The following CHODL variants were observed in gnomAD, a reference collection of about 807,000 sequenced individuals.
CHODL encodes the protein chondrolectin.
Under a neutral mutation model 34.5 loss-of-function variants are expected in CHODL, and 29 were observed. The ratio of observed to expected loss-of-function variants is 0.84; its 90% CI spans 0.63 to 1.15. CHODL has a LOEUF of 1.15. Among genes scored for constraint, CHODL ranks in the 50% most tolerant of loss-of-function variants. CHODL has a pLI of 0.00. For synonymous variants in CHODL, 125 were observed against 116.1 expected (o/e 1.08, Z -0.49); for missense variants, 332 against 332.5 (o/e 1.00, Z 0.01).
At position 18,245,771 on chromosome 21, in the gene CHODL, C is replaced by G; in HGVS notation, c.79+469C>G. On this transcript the variant is annotated intron_variant, in intron 1 of 5. Coordinates refer to ENST00000299295, the MANE Select transcript of CHODL (RefSeq NM_024944.3). Reference sequence around the variant, plus strand: ...GATGCTTTCTGTGACCAGATCAGTTCGCTGTGGGTCGCCTCCGGATGCCTG... The same window carrying G: ...GATGCTTTCTGTGACCAGATCAGTTGGCTGTGGGTCGCCTCCGGATGCCTG... The G allele has an allele frequency of 4.4e-6, 3 of 681,098 alleles. No individual in the cohort carries two copies. The South Asian group carries it at 5.4e-5, about 12-fold the overall frequency. 42.2% of individuals were successfully genotyped at this position (681,098 alleles called of 1,614,324 possible).
At chr21:18,258,536 C>A (rs558632005) in intron 3 of CHODL, among the ~76,000 whole-genome samples, 11 of 152,122 alleles carry the variant, frequency 7.2e-5, no homozygotes, top group Admixed American at 5.2e-4. Context: ...GTAAATCTTA[C>A]AATCTTCTTT....
rs569859721 is a variant in CHODL, at chr21:18,235,983, C to T, written c.-44-20526C>T. ...TTAAGTAAGATGAATCAATTGTCCT[C>T]CTTTTTGTTCTGAATCTCAGAAGTC... On this transcript the variant is annotated intron_variant, in intron 2 of 6. Transcript: ENST00000400127. Among the ~76,000 whole-genome samples, 10 of 152,202 alleles carry T rather than the reference C, an allele frequency of 6.6e-5. No homozygotes were observed. In the South Asian group the frequency reaches 2.1e-3, roughly 32 times the overall value.
intron 1 of CHODL, among the ~76,000 whole-genome samples, chr21:17,977,295 C>G (rs942089718): frequency 2.6e-5 from 4 of 151,710 alleles, no homozygotes; most frequent in African/African-American, 9.7e-5. Context: ...GATTAGATGT[C>G]TGGTACTCTG....
At chr21:18,198,505 T>G (rs1213576534) in intron 2 of CHODL, among the ~76,000 whole-genome samples, 1 of 152,158 alleles carries the variant, frequency 6.6e-6, no homozygotes, top group Non-Finnish European at 1.5e-5. Flanking sequence ...CATAATAAAT[T>G]TAACCCATAT....
intron 1 of CHODL, among the ~76,000 whole-genome samples, chr21:17,929,743 G>A (rs1337898304): frequency 6.6e-6 from 1 of 152,214 alleles, no homozygotes; most frequent in Non-Finnish European, 1.5e-5. Flanking sequence ...GCACTGCTTC[G>A]GCCCACATGG....
At chr21:18,178,335 T>G (rs2073340858) in intron 2 of CHODL, among the ~76,000 whole-genome samples, 1 of 152,174 alleles carries the variant, frequency 6.6e-6, no homozygotes, top group South Asian at 2.1e-4. Flanking sequence ...TGCTTTATCT[T>G]TTTCCTTTCC....
intron 2 of CHODL, among the ~76,000 whole-genome samples, chr21:18,095,395 T>A (rs2065127896): frequency 6.6e-6 from 1 of 152,008 alleles, no homozygotes; most frequent in Non-Finnish European, 1.5e-5. Flanking sequence ...CCAGTATATT[T>A]AAAAAAACTA....
chr21:18,011,424 T>G (rs1333029894), intron 1 of CHODL, among the ~76,000 whole-genome samples: 1 of 152,210 alleles, frequency 6.6e-6, no homozygotes, highest in Non-Finnish European at 1.5e-5. Context: ...AGCTTGGGTT[T>G]TGAAGATGCA....
At chr21:18,111,201 C>T (rs182656870) in intron 2 of CHODL, among the ~76,000 whole-genome samples, 33 of 152,236 alleles carry the variant, frequency 2.2e-4, no homozygotes, top group Admixed American at 8.5e-4. Context: ...AATATATTCC[C>T]GTTTGTGTAA....
Position 18,266,142 on chromosome 21 carries a change from G to A in CHODL, c.*104G>A. 6.2e-7 allele frequency: 1 copy of A among 1,600,394 alleles called. No homozygotes were observed. Among genetic ancestry groups the A allele is most frequent in the South Asian group, 1.1e-5 (1 of 89,628 alleles). ...GCTTGAAATCACAAAGGATCTGCAA[G>A]ATGAACTGTAAGCTCCCCCTTGAGG... On this transcript the variant is annotated 3_prime_UTR_variant, in exon 6 of 6. Coordinates refer to ENST00000299295, the MANE Select transcript of CHODL (RefSeq NM_024944.3).
intron 2 of CHODL, among the ~76,000 whole-genome samples, chr21:18,174,957 CTA>C (rs1361954227): frequency 1.3e-5 from 2 of 152,186 alleles, no homozygotes; most frequent in Middle Eastern, 3.2e-3. Context: ...CCACTTTCAG[CTA>C]TGTTTCTTTT....
At chr21:18,059,082 G>A (rs1169809446) in intron 2 of CHODL, among the ~76,000 whole-genome samples, 3 of 152,104 alleles carry the variant, frequency 2.0e-5, no homozygotes, top group East Asian at 1.9e-4. Flanking sequence ...GAGCCTTTAG[G>A]AAATTAATTA....
chr21:17,999,654 C>T (rs954739328), intron 1 of CHODL, among the ~76,000 whole-genome samples: 7 of 152,134 alleles, frequency 4.6e-5, no homozygotes, highest in Non-Finnish European at 8.8e-5. Flanking sequence ...TGATAAAAGC[C>T]ATCAGATCTC....
chr21:17,936,952 T>C (rs1600984106), intron 1 of CHODL, among the ~76,000 whole-genome samples: 1 of 152,072 alleles, frequency 6.6e-6, no homozygotes, highest in East Asian at 1.9e-4. Context: ...TGGGCTTCTG[T>C]AATCCCAGCT....
At chr21:18,193,901 G>GC (rs913971265) in intron 2 of CHODL, among the ~76,000 whole-genome samples, 44 of 151,714 alleles carry the variant, frequency 2.9e-4, no homozygotes, top group African/African-American at 8.9e-4. Flanking sequence ...CTAGAAACCT[G>GC]CCCCCCCTTG....
chr21:18,179,688 C>T (rs772936487), intron 2 of CHODL, among the ~76,000 whole-genome samples: 2 of 152,116 alleles, frequency 1.3e-5, no homozygotes, highest in Non-Finnish European at 2.9e-5. Context: ...CCTTGTACTT[C>T]ACAGAGGACT....
intron 1 of CHODL, among the ~76,000 whole-genome samples, chr21:18,018,108 A>G (rs2064092810): frequency 6.6e-6 from 1 of 152,180 alleles, no homozygotes; most frequent in Non-Finnish European, 1.5e-5. Flanking sequence ...TCTTGGAAGT[A>G]ACTAACTTGT....
intron 1 of CHODL, 132 bp downstream of exon 1, chr21:18,245,434 CG>C: frequency 1.5e-6 from 1 of 676,366 alleles, no homozygotes; most frequent in Middle Eastern, 2.5e-4. Context: ...CGGGAGGAGG[CG>C]GGGAGAAATT....
At chr21:18,260,133 T>C in intron 3 of CHODL, 67 bp from the exon 4 acceptor site, 1 of 604,960 alleles carries the variant, frequency 1.7e-6, no homozygotes, top group Non-Finnish European at 2.5e-6. Flanking sequence ...TATAATTTCA[T>C]ATTTATATAT....
Sources: gnomAD v4.1 joint callset for allele counts (sites outside exome capture counted in the v4.1 genomes callset) on GRCh38, gnomAD v4.1.1 for gene constraint, MANE v1.5 for transcripts, NCBI Gene and HGNC (gene_info 2026-07-23, HGNC 2026-07-21) for gene names.